PDE3A: variants seen among roughly 807,000 people sequenced by gnomAD.
PDE3A encodes the protein cGMP-inhibited 3',5'-cyclic phosphodiesterase 3A.
PDE3A carries 43 observed loss-of-function variants against 98.3 expected under a neutral mutation model. The ratio of observed to expected loss-of-function variants is 0.44; its 90% CI spans 0.34 to 0.56. The LOEUF (loss-of-function observed/expected upper bound fraction) is 0.56. PDE3A is among the 20% of genes least tolerant of loss of function. The probability of loss-of-function intolerance (pLI) is 0.01; values close to 1 mark genes in which losing one functional copy is unlikely to be tolerated. For missense variants in PDE3A, 1,427 were observed against 1,440.7 expected (o/e 0.99, Z 0.15); for synonymous variants, 663 against 567.9 (o/e 1.17, Z -2.38).
intron 8 of PDE3A, among the ~76,000 whole-genome samples, chr12:20,635,538 A>G (rs1944485221): frequency 6.7e-6 from 1 of 149,982 alleles, no homozygotes; most frequent in Admixed American, 6.7e-5. Flanking sequence ...AGATCGTGCC[A>G]TTGCACTCCA....
In PDE3A at chr12:20,633,863, T is replaced by A. The variant is rs576405669; in HGVS notation, c.1846+85T>A. ...TGATCAAAACAGTGATCTACATTTC[T>A]GATATTTTGTGGGGCGCTGGGAGAC... On this transcript the variant is annotated intron_variant, in intron 7 of 15. Transcript: ENST00000359062. The A allele has an allele frequency of 4.8e-4, 361 of 754,506 alleles. 4 individuals are homozygous for A. In the South Asian group the frequency reaches 6.3e-3, roughly 13 times the overall value. The allele number at this position is 754,506 out of a possible 1,614,324, so 46.7% of individuals were successfully genotyped here.
chr12:20,388,332 A>C (rs1319241109), intron 1 of PDE3A, among the ~76,000 whole-genome samples: 3 of 152,072 alleles, frequency 2.0e-5, no homozygotes, highest in Non-Finnish European at 4.4e-5. Flanking sequence ...AGATCCCTGA[A>C]ATTTTAGATC....
Position 20,369,594 on chromosome 12 carries a change from GC to G in PDE3A, c.314del (p.Pro105ArgfsTer102). The stretch of plus-strand genomic sequence containing the variant: ...GGCGGCGGCGGAGGAGGAGGAAGCA[GC>G]CCCGGGAGCAGAAGGGGGCGTCTTC... ...EAAAAEEEEA[A>X]PGAEGGVFPG... On this transcript the variant is annotated frameshift_variant, in exon 1 of 16. Coordinates refer to ENST00000359062, the MANE Select transcript of PDE3A (RefSeq NM_000921.5). LOFTEE classifies it high-confidence loss of function. The G allele has an allele frequency of 6.4e-7, 1 of 1,562,568 alleles. No homozygotes were observed. Among genetic ancestry groups the G allele is most frequent in the Non-Finnish European group, 8.7e-7 (1 of 1,154,686 alleles).
chr12:20,382,333 A>G (rs796904445), intron 1 of PDE3A, among the ~76,000 whole-genome samples: 3 of 152,010 alleles, frequency 2.0e-5, no homozygotes, highest in African/African-American at 7.2e-5. Flanking sequence ...ACAGTTTAAA[A>G]GTGCTTGGCT....
At chr12:20,529,572 GA>G (rs1946587092) in intron 1 of PDE3A, among the ~76,000 whole-genome samples, 1 of 151,980 alleles carries the variant, frequency 6.6e-6, no homozygotes, top group South Asian at 2.1e-4. Flanking sequence ...GACACCCCTG[GA>G]GGGCAGATGG....
chr12:20,392,269 A>G (rs557312794), intron 1 of PDE3A, among the ~76,000 whole-genome samples: 1 of 152,108 alleles, frequency 6.6e-6, no homozygotes, highest in South Asian at 2.1e-4. Context: ...ACTTCTGGTG[A>G]TTTATGTATA....
At chr12:20,433,541 C>G (rs1944731857) in intron 1 of PDE3A, among the ~76,000 whole-genome samples, 2 of 152,092 alleles carry the variant, frequency 1.3e-5, no homozygotes, top group South Asian at 4.1e-4. Flanking sequence ...ACTACTCTCT[C>G]AAGGAAGCTG....
At chr12:20,551,602 C>T in intron 1 of PDE3A, 4 of 1,558,408 alleles carry the variant, frequency 2.6e-6, no homozygotes, top group Non-Finnish European at 3.5e-6. Flanking sequence ...CGGGGGCCGG[C>T]AGGACCCCGA....
intron 15 of PDE3A, among the ~76,000 whole-genome samples, chr12:20,666,048 C>T (rs115296163): frequency 0.015 from 2,239 of 148,410 alleles, 59 homozygotes; most frequent in African/African-American, 0.053. Context: ...ACTGCAAGCT[C>T]ACTCCGTCTC....
At chr12:20,584,237 C>T (rs942393476) in intron 2 of PDE3A, among the ~76,000 whole-genome samples, 1 of 152,152 alleles carries the variant, frequency 6.6e-6, no homozygotes, top group East Asian at 1.9e-4. Flanking sequence ...TAGAAAGTTA[C>T]AAATGAGTGA....
chr12:20,498,371 T>C (rs1945962083), intron 1 of PDE3A, among the ~76,000 whole-genome samples: 1 of 151,620 alleles, frequency 6.6e-6, no homozygotes, highest in African/African-American at 2.4e-5. Flanking sequence ...AGATGGAAAA[T>C]ATATTCAAGA....
chr12:20,412,158 A>G (rs1031416954), intron 1 of PDE3A, among the ~76,000 whole-genome samples: 2 of 152,194 alleles, frequency 1.3e-5, no homozygotes, highest in Non-Finnish European at 2.9e-5. Context: ...GTTAGAAGCC[A>G]TATTAACTAG....
chr12:20,446,123 T>G (rs1184721160), intron 1 of PDE3A, among the ~76,000 whole-genome samples: 1 of 152,172 alleles, frequency 6.6e-6, no homozygotes, highest in Non-Finnish European at 1.5e-5. Flanking sequence ...GTGCCTGAAA[T>G]GAAGCCCTTC....
In PDE3A at chr12:20,448,751, G is replaced by GTTTTTTTTTT. The variant is rs1265923346; in HGVS notation, c.960+78507_960+78508insTTTTTTTTTT. The stretch of plus-strand genomic sequence containing the variant: ...ACATTATTTAAAGTTTTTATTTTAA[G>GTTTTTTTTTT]GTTTTTTTTTTTTTTTGAGATGGAG... On this transcript the variant is annotated intron_variant, in intron 1 of 15. Coordinates refer to ENST00000359062, the MANE Select transcript of PDE3A (RefSeq NM_000921.5). Among the ~76,000 whole-genome samples the GTTTTTTTTTT allele has an allele frequency of 5.7e-4, 76 of 134,322 alleles. 1 individual carries two copies. The highest frequency in any genetic ancestry group is 6.9e-4 in the African/African-American group (26 of 37,792). 88.1% of individuals were successfully genotyped at this position (134,322 alleles called of 152,430 possible).
Position 20,641,666 on chromosome 12 carries a change from A to C in PDE3A, c.2251+1709A>C, listed in dbSNP as rs372852740. ...TTTTTCACAGGTGGTATATCATTAAATCATAGTTGAAAGATGGCAAATGTT... is the reference window on the plus strand; with the variant it reads ...TTTTTCACAGGTGGTATATCATTAACTCATAGTTGAAAGATGGCAAATGTT... On this transcript the variant is annotated intron_variant, in intron 10 of 15. Transcript: ENST00000359062. 6.6e-5 allele frequency among the ~76,000 whole-genome samples: 10 copies of C among 152,314 alleles called. No homozygotes were observed. The East Asian group carries it at 1.5e-3, about 23-fold the overall frequency.
rs953364700 is a variant in PDE3A, at chr12:20,494,542, GTGTGTT to G, written c.961-62112_961-62107del. On this transcript the variant is annotated intron_variant, in intron 1 of 15. Transcript: ENST00000359062. ...GAGTGTTATGTATGTGTGTCTCTGT[GTGTGTT>G]TGTGTGTCTCTGTGTTGTGTGTGTG... Among the ~76,000 whole-genome samples the G allele has an allele frequency of 8.5e-5, 13 of 152,100 alleles. No homozygotes were observed. The East Asian group carries it at 2.3e-3, about 27-fold the overall frequency.
intron 6 of PDE3A, among the ~76,000 whole-genome samples, chr12:20,630,604 T>G (rs2121509432): frequency 6.6e-6 from 1 of 152,284 alleles, no homozygotes; most frequent in South Asian, 2.1e-4. Flanking sequence ...ACTCAAATAG[T>G]TCTCTGAATG....
At chr12:20,642,108 A>C (rs183880620) in intron 10 of PDE3A, among the ~76,000 whole-genome samples, 99 of 152,238 alleles carry the variant, frequency 6.5e-4, no homozygotes, top group Admixed American at 1.4e-3. Context: ...ATAAATCCTT[A>C]GTTGAAAAGA....
intron 1 of PDE3A, among the ~76,000 whole-genome samples, chr12:20,522,204 C>T (rs1946442996): frequency 6.6e-6 from 1 of 152,152 alleles, no homozygotes; most frequent in Non-Finnish European, 1.5e-5. Flanking sequence ...CTCTCATGTG[C>T]TTGCGATACA....
Sources: allele counts gnomAD v4.1 joint callset (sites outside exome capture counted in the v4.1 genomes callset), GRCh38; gene constraint gnomAD v4.1.1; transcripts MANE v1.5; gene names NCBI Gene and HGNC (gene_info 2026-07-23, HGNC 2026-07-21).